The following EYA2 variants were observed in gnomAD, a reference collection of about 807,000 sequenced individuals.
EYA2 encodes the protein EYA transcriptional coactivator and phosphatase 2.
In EYA2, 31 loss-of-function variants were observed where a neutral mutation model predicts 69.2. The ratio of observed to expected loss-of-function variants is 0.45; its 90% CI spans 0.34 to 0.60. The LOEUF (loss-of-function observed/expected upper bound fraction) is 0.60, where lower values mean the gene tolerates loss of function less well. Among genes scored for constraint, EYA2 ranks in the 20% least tolerant of loss-of-function variants. EYA2 has a pLI of 0.02. For missense variants in EYA2, 622 were observed against 701.2 expected (o/e 0.89, Z 1.28); for synonymous variants, 257 against 279.4 (o/e 0.92, Z 0.80).
intron 9 of EYA2, among the ~76,000 whole-genome samples, chr20:47,105,055 A>G (rs1301417772): frequency 6.6e-6 from 1 of 152,002 alleles, no homozygotes; most frequent in African/African-American, 2.4e-5. Context: ...GGCCGTAAAT[A>G]TGTTTATTTC....
chr20:47,167,316 C>G (rs1165073841), intron 10 of EYA2, among the ~76,000 whole-genome samples: 2 of 139,104 alleles, frequency 1.4e-5, no homozygotes, highest in Non-Finnish European at 1.5e-5. Context: ...GAGTCTCGCT[C>G]TGTCGCCCAG....
chr20:46,986,494 A>G (rs1981227665), intron 1 of EYA2, among the ~76,000 whole-genome samples: 1 of 111,072 alleles, frequency 9.0e-6, no homozygotes, highest in African/African-American at 3.1e-5. Context: ...TCTCTCTCCA[A>G]TATAAAGATA....
intron 1 of EYA2, among the ~76,000 whole-genome samples, chr20:46,976,692 G>A (rs1980487322): frequency 6.6e-6 from 1 of 152,170 alleles, no homozygotes; most frequent in African/African-American, 2.4e-5. Flanking sequence ...GACCCTAAGA[G>A]AGTTTTTGGA....
intron 5 of EYA2, among the ~76,000 whole-genome samples, chr20:47,051,266 GCC>G (rs1279627213): frequency 1.3e-5 from 2 of 152,230 alleles, no homozygotes; most frequent in Non-Finnish European, 2.9e-5. Context: ...CATCAAAACA[GCC>G]CCATAGGCGG....
intron 1 of EYA2, among the ~76,000 whole-genome samples, chr20:46,902,610 T>C (rs1984166448): frequency 6.6e-6 from 1 of 152,260 alleles, no homozygotes; most frequent in Admixed American, 6.5e-5. Flanking sequence ...CCTGGAGAGC[T>C]AGATTTTAAA....
chr20:47,163,927 C>T lies in EYA2; in HGVS notation c.979-5212C>T, dbSNP rs114824712. Among the ~76,000 whole-genome samples, 403 of 152,180 alleles carry T rather than the reference C, an allele frequency of 2.6e-3. 5 individuals are homozygous for T. Among genetic ancestry groups the T allele is most frequent in the African/African-American group, 9.3e-3 (384 of 41,504 alleles). On this transcript the variant is annotated intron_variant, in intron 10 of 15. Coordinates refer to ENST00000327619, the MANE Select transcript of EYA2 (RefSeq NM_005244.5). The stretch of plus-strand genomic sequence containing the variant: ...TCGAGACGGGGATTGCACCAGGTCC[C>T]GGTCCTCAGCCCCACTGCACTTCAC...
chr20:47,015,528 A>C (rs1207100381), intron 4 of EYA2, among the ~76,000 whole-genome samples: 2 of 152,140 alleles, frequency 1.3e-5, no homozygotes, highest in Admixed American at 6.5e-5. Context: ...ATGGACATTT[A>C]AGCCATACAC....
intron 5 of EYA2, among the ~76,000 whole-genome samples, chr20:47,032,692 A>G (rs1461184941): frequency 6.6e-6 from 1 of 152,070 alleles, no homozygotes; most frequent in African/African-American, 2.4e-5. Flanking sequence ...CTGGGGTTGA[A>G]TCTCCGCCTC....
chr20:46,989,982 T>A lies in EYA2; in HGVS notation c.-10-19T>A. On this transcript the variant is annotated intron_variant, in intron 1 of 15. Transcript: ENST00000327619. ...GCATAATTAATGAATAAATTATATT[T>A]CCCTTTGTTTTCTTTCAGGTACAAG... 1 of 1,195,102 alleles carries A rather than the reference T, an allele frequency of 8.4e-7. No individual in the cohort carries two copies. The highest frequency in any genetic ancestry group is 1.3e-6 in the Non-Finnish European group (1 of 799,098). 74.0% of individuals were successfully genotyped at this position (1,195,102 alleles called of 1,614,324 possible).
chr20:47,025,772 A>T (rs1054224872), intron 5 of EYA2, among the ~76,000 whole-genome samples: 1 of 152,254 alleles, frequency 6.6e-6, no homozygotes, highest in East Asian at 1.9e-4. Flanking sequence ...CTACCCATTT[A>T]CACTCCCCCC....
chr20:47,135,841 ACAAACAAACAAAC>A lies in EYA2; in HGVS notation c.889-7217_889-7205del, dbSNP rs1378907073. On this transcript the variant is annotated intron_variant, in intron 9 of 15. Transcript: ENST00000327619. ...TACAAAAAAAAAAAAAAAAAAAAAA[ACAAACAAACAAAC>A]AAAAAACTAATTAATTAATTAATTA... Among the ~76,000 whole-genome samples, 93 of 82,236 alleles carry A rather than the reference ACAAACAAACAAAC, an allele frequency of 1.1e-3. 5 individuals carry two copies. The highest frequency in any genetic ancestry group is 3.0e-3 in the African/African-American group (52 of 17,126). 54.0% of individuals were successfully genotyped at this position (82,236 alleles called of 152,430 possible).
chr20:47,132,138 G>A (rs1334604406), intron 9 of EYA2, among the ~76,000 whole-genome samples: 1 of 152,078 alleles, frequency 6.6e-6, no homozygotes, highest in Non-Finnish European at 1.5e-5. Flanking sequence ...TTGTAGAGAT[G>A]AAGTCTTACT....
rs114246936 is a variant in EYA2, at chr20:46,985,543, G to A, written c.-10-4458G>A. On this transcript the variant is annotated intron_variant, in intron 1 of 15. Coordinates refer to ENST00000327619, the MANE Select transcript of EYA2 (RefSeq NM_005244.5). ...CTGAGGCCAGAAGTGTCACACTGCC[G>A]TCTCTTTCCTTAGCAGGCTTTTCTG... Among the ~76,000 whole-genome samples the A allele has an allele frequency of 4.8e-3, 731 of 152,304 alleles. 7 individuals carry two copies. Among genetic ancestry groups the A allele is most frequent in the African/African-American group, 0.016 (667 of 41,566 alleles).
chr20:46,940,734 G>A (rs1986120406), intron 1 of EYA2, among the ~76,000 whole-genome samples: 1 of 152,314 alleles, frequency 6.6e-6, no homozygotes, highest in East Asian at 1.9e-4. Context: ...CAGGGCGGTG[G>A]CCAAAGCTCC....
At chr20:47,009,636 A>G (rs982744088) in intron 4 of EYA2, among the ~76,000 whole-genome samples, 1 of 152,148 alleles carries the variant, frequency 6.6e-6, no homozygotes, top group Non-Finnish European at 1.5e-5. Context: ...AGATCAACAA[A>G]CTTTTTCTAT....
At chr20:47,144,084 G>A (rs552608347) in intron 10 of EYA2, among the ~76,000 whole-genome samples, 13 of 152,312 alleles carry the variant, frequency 8.5e-5, no homozygotes, top group South Asian at 2.1e-4. Flanking sequence ...CCGGCCGGGC[G>A]CGGTGGCTCA....
chr20:47,135,842 C>G (rs7509580), intron 9 of EYA2, among the ~76,000 whole-genome samples: 3 of 54,026 alleles, frequency 5.6e-5, no homozygotes, highest in South Asian at 5.8e-4. Flanking sequence ...AAAAAAAAAA[C>G]AAACAAACAA....
At chr20:47,012,450 T>C (rs1207729786) in intron 4 of EYA2, among the ~76,000 whole-genome samples, 2 of 152,240 alleles carry the variant, frequency 1.3e-5, no homozygotes, top group Non-Finnish European at 2.9e-5. Context: ...TGTGGACTAA[T>C]ATTTTAGTAA....
intron 10 of EYA2, among the ~76,000 whole-genome samples, chr20:47,149,871 A>G (rs1600745561): frequency 6.6e-6 from 1 of 152,220 alleles, no homozygotes; most frequent in East Asian, 1.9e-4. Context: ...AAATAAATAC[A>G]TACATACACA....
Sources: gnomAD v4.1 joint callset for allele counts (sites outside exome capture counted in the v4.1 genomes callset) on GRCh38, gnomAD v4.1.1 for gene constraint, MANE v1.5 for transcripts, NCBI Gene and HGNC (gene_info 2026-07-23, HGNC 2026-07-21) for gene names.